The following SORBS2 variants were observed in gnomAD, a reference collection of about 807,000 sequenced individuals.
The protein encoded by SORBS2 is sorbin and SH3 domain containing 2, also known as sorbin and SH3 domain-containing protein 2.
In SORBS2, 46 loss-of-function variants were observed where a neutral mutation model predicts 97.7. The observed-to-expected ratio is 0.47, with a 90% confidence interval of 0.37 to 0.60. The LOEUF (loss-of-function observed/expected upper bound fraction) is 0.60. SORBS2 is among the 20% of genes least tolerant of loss of function. The pLI is 0.00. For missense variants in SORBS2, 1,316 were observed against 1,282.3 expected, an observed-to-expected ratio of 1.03 and a Z score of -0.40; for synonymous variants, 476 against 473.4, an observed-to-expected ratio of 1.01 and a Z score of -0.07.
At chr4:185,877,734 G>A (rs188363312) in intron 1 of SORBS2, among the ~76,000 whole-genome samples, 1 of 151,992 alleles carries the variant, frequency 6.6e-6, no homozygotes, top group Non-Finnish European at 1.5e-5. Flanking sequence ...AACCAGCGTG[G>A]TGGTGGACAT....
chr4:185,819,596 C>A (rs565182730), intron 1 of SORBS2, among the ~76,000 whole-genome samples: 1 of 152,196 alleles, frequency 6.6e-6, no homozygotes, highest in South Asian at 2.1e-4. Context: ...CCTCTGCCAG[C>A]TCATGTCAGC....
intron 2 of SORBS2, among the ~76,000 whole-genome samples, chr4:185,747,186 C>A (rs140901269): frequency 6.6e-6 from 1 of 152,146 alleles, no homozygotes; most frequent in Non-Finnish European, 1.5e-5. Flanking sequence ...AGGTGGCCGT[C>A]GGCAAGACAA....
At chr4:185,843,365 T>C (rs2099212753) in intron 1 of SORBS2, among the ~76,000 whole-genome samples, 1 of 152,142 alleles carries the variant, frequency 6.6e-6, no homozygotes, top group Non-Finnish European at 1.5e-5. Context: ...GCAATTAGAT[T>C]TAAAAAACCC....
At chr4:185,948,096 G>A (rs57684124) in intron 1 of SORBS2, among the ~76,000 whole-genome samples, 4,402 of 152,108 alleles carry the variant, frequency 0.029, 233 homozygotes, top group African/African-American at 0.1. Context: ...GTTTCTGTAG[G>A]AAGTGAAGCC....
intron 6 of SORBS2, among the ~76,000 whole-genome samples, chr4:185,624,792 T>C (rs538427967): frequency 6.6e-6 from 1 of 152,376 alleles, no homozygotes; most frequent in African/African-American, 2.4e-5. Context: ...GCATAATTCA[T>C]ACACCTTTCT....
At chr4:185,825,408 T>C (rs998825867) in intron 1 of SORBS2, among the ~76,000 whole-genome samples, 35 of 152,220 alleles carry the variant, frequency 2.3e-4, no homozygotes, top group Non-Finnish European at 4.1e-4. Context: ...TTAAAAAATG[T>C]ATGACTTCCA....
At chr4:185,782,272 A>T (rs1217008660) in intron 1 of SORBS2, among the ~76,000 whole-genome samples, 1 of 152,230 alleles carries the variant, frequency 6.6e-6, no homozygotes, top group Non-Finnish European at 1.5e-5. Flanking sequence ...TTGTAGCTAC[A>T]TATTTGGTTT....
At chr4:185,877,374 G>A (rs1369145580) in intron 1 of SORBS2, among the ~76,000 whole-genome samples, 1 of 152,136 alleles carries the variant, frequency 6.6e-6, no homozygotes, top group African/African-American at 2.4e-5. Context: ...AATTAATGCA[G>A]TTATGTAACA....
chr4:185,657,389 A>T (rs377128983), upstream of SORBS2: 1 of 1,477,356 alleles, frequency 6.8e-7, no homozygotes, highest in Non-Finnish European at 8.9e-7. Flanking sequence ...GTCTGTGCAC[A>T]GCCCCAGACA....
intron 1 of SORBS2, among the ~76,000 whole-genome samples, chr4:185,937,147 C>T (rs2099269322): frequency 6.6e-6 from 1 of 151,716 alleles, no homozygotes; most frequent in South Asian, 2.1e-4. Flanking sequence ...TTAAGGAAAA[C>T]TCATTCATCT....
rs1561764092 is a variant in SORBS2 at position 185,662,091 on chromosome 4, G to A, written c.94+13C>T. On this transcript the variant is annotated intron_variant, in intron 5 of 20. Coordinates refer to the SORBS2 transcript ENST00000284776. Reference sequence around the variant, plus strand: ...GAGGTTGCCATGGAAATCACGGTGAGTAAATTACTTACCGAGGGATGTGCC... The same window carrying A: ...GAGGTTGCCATGGAAATCACGGTGAATAAATTACTTACCGAGGGATGTGCC... The A allele has an allele frequency of 6.2e-7, 1 of 1,613,898 alleles. No individual in the cohort carries two copies. The highest frequency in any genetic ancestry group is 8.5e-7 in the Non-Finnish European group (1 of 1,179,914).
At chr4:185,632,527 C>G (rs191256459) in intron 4 of SORBS2, among the ~76,000 whole-genome samples, 24 of 152,122 alleles carry the variant, frequency 1.6e-4, no homozygotes, top group Non-Finnish European at 5.9e-5. Flanking sequence ...AAAATCAGAT[C>G]GTTATATTAC....
intron 7 of SORBS2, 147 bp from the exon 20 acceptor site, chr4:185,620,298 C>T (rs915691091): frequency 1.1e-5 from 7 of 642,998 alleles, no homozygotes; most frequent in African/African-American, 5.4e-5. Flanking sequence ...ACTCATAGTT[C>T]ATTACAAAGT....
chr4:185,819,996 C>A (rs984550253), intron 1 of SORBS2, among the ~76,000 whole-genome samples: 1 of 152,034 alleles, frequency 6.6e-6, no homozygotes, highest in Admixed American at 6.6e-5. Flanking sequence ...ATTCTGAGGG[C>A]GGTTGTGGCA....
At chr4:185,679,366 C>A (rs1004837344) in intron 2 of SORBS2, among the ~76,000 whole-genome samples, 1 of 151,956 alleles carries the variant, frequency 6.6e-6, no homozygotes, top group Non-Finnish European at 1.5e-5. Flanking sequence ...ATATAAAAGT[C>A]ATTTTATACT....
chr4:185,650,419 G>T (rs2097293840), intron 2 of SORBS2, among the ~76,000 whole-genome samples: 1 of 152,018 alleles, frequency 6.6e-6, no homozygotes, highest in Admixed American at 6.5e-5. Context: ...AAAGTGCAAG[G>T]TGTGAAGCCA....
chr4:185,934,489 G>A (rs1185005371), intron 1 of SORBS2, among the ~76,000 whole-genome samples: 1 of 152,016 alleles, frequency 6.6e-6, no homozygotes, highest in Non-Finnish European at 1.5e-5. Flanking sequence ...GGTCAATCAC[G>A]GTGGCTCACA....
chr4:185,883,220 C>T (rs985990878), intron 1 of SORBS2, among the ~76,000 whole-genome samples: 2 of 152,014 alleles, frequency 1.3e-5, no homozygotes, highest in Non-Finnish European at 2.9e-5. Flanking sequence ...AAACTCAATT[C>T]AATTTTTAAA....
intron 11 of SORBS2, 67 bp from the exon 24 acceptor site, chr4:185,612,047 T>A (rs1427341719): frequency 2.6e-6 from 3 of 1,167,182 alleles, no homozygotes; most frequent in South Asian, 1.4e-5. Flanking sequence ...TAATTGTCAA[T>A]GTTTTCTATG....
Sources: allele counts gnomAD v4.1 joint callset (sites outside exome capture counted in the v4.1 genomes callset), GRCh38; gene constraint gnomAD v4.1.1; transcripts MANE v1.5; gene names NCBI Gene and HGNC (gene_info 2026-07-23, HGNC 2026-07-21).